The following MARCHF1 variants were observed in gnomAD, a reference collection of about 807,000 sequenced individuals.
MARCHF1 encodes the protein E3 ubiquitin-protein ligase MARCHF1.
MARCHF1 carries 40 observed loss-of-function variants against 54.2 expected under a neutral mutation model. The observed-to-expected ratio is 0.74, with a 90% confidence interval of 0.57 to 0.96. MARCHF1 has a LOEUF of 0.96. Among genes scored for constraint, MARCHF1 ranks in the 40% least tolerant of loss-of-function variants. The pLI, the probability that MARCHF1 is intolerant of heterozygous loss-of-function variation, is 0.00. For synonymous variants in MARCHF1, 236 were observed against 236.3 expected, an observed-to-expected ratio of 1.00 and a Z score of 0.01; for missense variants, 586 against 656.5, an observed-to-expected ratio of 0.89 and a Z score of 1.17.
intron 4 of MARCHF1, among the ~76,000 whole-genome samples, chr4:163,725,163 A>C (rs895849736): frequency 1.3e-5 from 2 of 152,128 alleles, no homozygotes; most frequent in African/African-American, 4.8e-5. Context: ...ATATATATTA[A>C]TTTATAATGG....
At chr4:164,358,293 G>C (rs534604800) in intron 1 of MARCHF1, among the ~76,000 whole-genome samples, 1 of 152,090 alleles carries the variant, frequency 6.6e-6, no homozygotes, top group Non-Finnish European at 1.5e-5. Flanking sequence ...GGTCATAAAG[G>C]GGAAGCCTTG....
At chr4:163,626,732 T>C (rs1741884176) in intron 5 of MARCHF1, among the ~76,000 whole-genome samples, 1 of 152,032 alleles carries the variant, frequency 6.6e-6, no homozygotes, top group Non-Finnish European at 1.5e-5. Flanking sequence ...ATCGAGACCA[T>C]CCTGGCCAAC....
At chr4:163,892,780 T>C (rs569870760) in intron 3 of MARCHF1, among the ~76,000 whole-genome samples, 5 of 152,128 alleles carry the variant, frequency 3.3e-5, no homozygotes, top group Non-Finnish European at 7.4e-5. Context: ...TGAAGGTTCA[T>C]CTGACTTGAA....
intron 2 of MARCHF1, among the ~76,000 whole-genome samples, chr4:164,010,115 G>A (rs973208855): frequency 1.4e-5 from 2 of 141,326 alleles, no homozygotes; most frequent in African/African-American, 5.3e-5. Context: ...CATGCAGGCT[G>A]GACTGCAGTG....
At chr4:164,263,163 A>G (rs1010003032) in intron 1 of MARCHF1, among the ~76,000 whole-genome samples, 23 of 151,984 alleles carry the variant, frequency 1.5e-4, no homozygotes, top group African/African-American at 5.1e-4. Flanking sequence ...TGTGTGTATG[A>G]AAGACAGAAG....
intron 5 of MARCHF1, chr4:163,613,602 C>T (rs1162348114): frequency 6.9e-6 from 10 of 1,449,342 alleles, no homozygotes; most frequent in Non-Finnish European, 9.1e-6. Context: ...AGATGCTGCG[C>T]TATTTTGCTG....
At chr4:164,294,802 T>C (rs1734371045) in intron 1 of MARCHF1, among the ~76,000 whole-genome samples, 1 of 152,210 alleles carries the variant, frequency 6.6e-6, no homozygotes, top group Non-Finnish European at 1.5e-5. Flanking sequence ...AAGGCATTAA[T>C]GACTATAAGT....
chr4:164,225,508 A>G (rs547675624), intron 1 of MARCHF1, among the ~76,000 whole-genome samples: 2 of 152,116 alleles, frequency 1.3e-5, no homozygotes, highest in South Asian at 2.1e-4. Flanking sequence ...GGAAAAATGC[A>G]CTGTAATAAT....
intron 1 of MARCHF1, among the ~76,000 whole-genome samples, chr4:164,157,660 G>A (rs1730113531): frequency 6.6e-6 from 1 of 152,056 alleles, no homozygotes; most frequent in African/African-American, 2.4e-5. Context: ...TTGGATCTGT[G>A]CAAGTCCAGT....
At chr4:164,023,043 A>G (rs900964597) in intron 2 of MARCHF1, among the ~76,000 whole-genome samples, 1 of 152,126 alleles carries the variant, frequency 6.6e-6, no homozygotes, top group Admixed American at 6.5e-5. Context: ...GCAGCTCGGG[A>G]ATATTGAGCC....
At chr4:163,725,071 T>C (rs975163586) in intron 4 of MARCHF1, among the ~76,000 whole-genome samples, 1 of 152,104 alleles carries the variant, frequency 6.6e-6, no homozygotes, top group Non-Finnish European at 1.5e-5. Context: ...CAGTTGGAAA[T>C]GCAGAAATCA....
chr4:164,274,659 C>CTTTTTTTTTTTTTTT (rs70952617), intron 1 of MARCHF1, among the ~76,000 whole-genome samples: 3 of 44,644 alleles, frequency 6.7e-5, no homozygotes, highest in Non-Finnish European at 1.5e-4. Context: ...TCAGGGTACA[C>CTTTTTTTTTTTTTTT]TTTTTTTTTT....
At chr4:164,107,183 C>A (rs558260453) in intron 2 of MARCHF1, among the ~76,000 whole-genome samples, 2 of 152,264 alleles carry the variant, frequency 1.3e-5, no homozygotes, top group East Asian at 3.9e-4. Context: ...TAATTTTGTA[C>A]TTCCCTAGTT....
intron 3 of MARCHF1, among the ~76,000 whole-genome samples, chr4:163,872,556 G>A (rs1750191247): frequency 6.6e-6 from 1 of 152,124 alleles, no homozygotes. Flanking sequence ...GTATCACTAA[G>A]TAAAAGATAA....
At chr4:164,316,447 A>T (rs920641251) in intron 1 of MARCHF1, among the ~76,000 whole-genome samples, 11 of 152,170 alleles carry the variant, frequency 7.2e-5, no homozygotes, top group African/African-American at 2.4e-4. Context: ...GGTAGAAAGG[A>T]AAGTTTTGTT....
chr4:163,593,326 T>A (rs1740653190), intron 7 of MARCHF1, among the ~76,000 whole-genome samples: 1 of 152,190 alleles, frequency 6.6e-6, no homozygotes, highest in South Asian at 2.1e-4. Context: ...TGCTTACAGT[T>A]ATTAGGCTAA....
At chr4:164,015,718 C>G (rs564531454) in intron 2 of MARCHF1, among the ~76,000 whole-genome samples, 2 of 151,804 alleles carry the variant, frequency 1.3e-5, no homozygotes, top group South Asian at 4.2e-4. Context: ...AAAAAAATGC[C>G]CAGCATCACT....
chr4:164,141,388 G>C (rs1298807981), intron 1 of MARCHF1, among the ~76,000 whole-genome samples: 1 of 152,104 alleles, frequency 6.6e-6, no homozygotes, highest in African/African-American at 2.4e-5. Flanking sequence ...GCTGTCTTTA[G>C]ACAACTACTT....
intron 5 of MARCHF1, among the ~76,000 whole-genome samples, chr4:163,614,820 T>A (rs768324348): frequency 4.3e-4 from 66 of 152,018 alleles, no homozygotes; most frequent in Non-Finnish European, 8.1e-4. Flanking sequence ...ACCATTAGGA[T>A]CCTTATGAGA....
Sources: allele counts gnomAD v4.1 joint callset (sites outside exome capture counted in the v4.1 genomes callset), GRCh38; gene constraint gnomAD v4.1.1; transcripts MANE v1.5; gene names NCBI Gene and HGNC (gene_info 2026-07-23, HGNC 2026-07-21).